The following CHAD variants were observed in gnomAD, a reference collection of about 807,000 sequenced individuals.
CHAD encodes the protein cartilage leucine-rich protein.
CHAD carries 18 observed loss-of-function variants against 24.0 expected under a neutral mutation model. That is an observed-to-expected ratio of 0.75 (90% CI 0.52 to 1.11). CHAD has a LOEUF of 1.11. CHAD is among the 50% of genes most tolerant of loss of function. The pLI, the probability that CHAD is intolerant of heterozygous loss-of-function variation, is 0.00. For missense variants in CHAD, 440 were observed against 467.2 expected, an observed-to-expected ratio of 0.94 and a Z score of 0.54; for synonymous variants, 195 against 211.6, an observed-to-expected ratio of 0.92 and a Z score of 0.68.
Position 50,468,241 on chromosome 17 carries a change from C to T in CHAD, c.573G>A (p.Leu191=). The T allele has an allele frequency of 6.2e-7, 1 of 1,612,264 alleles. No individual in the cohort carries two copies. The highest frequency in any genetic ancestry group is 8.5e-7 in the Non-Finnish European group (1 of 1,178,532). ...ATTTGGCGAGGTTCTCCACGTCGTC[C>T]AGGGCCCCGGGCTGCAGGGAGCTCA... ...NALSSLQPGA[L]DDVENLAKFH... Residue 191 remains leucine (L), a synonymous_variant, in exon 1 of 4, where the codon CTG becomes CTA. Coordinates refer to ENST00000508540, the MANE Select transcript of CHAD (RefSeq NM_001267.3).
rs749255823 is a variant in CHAD, at chr17:50,468,293, C to A, written c.521G>T (p.Arg174Leu). The stretch of plus-strand genomic sequence containing the variant: ...CGCGTTTTCCGACAGGTAGAGCCAG[C>A]GCAGGTCCTTGGCTCCCTGGAAGGC... ...AGAFQGAKDL[R>L]WLYLSENALS... Residue 174 changes from arginine (R) to leucine (L), a missense_variant, in exon 1 of 4, where the codon CGC becomes CTC. Physicochemically the swap from Arg to Leu is moderately radical, Grantham distance 102. Coordinates refer to ENST00000508540, the MANE Select transcript of CHAD (RefSeq NM_001267.3). 13 of 1,613,564 alleles carry A rather than the reference C, an allele frequency of 8.1e-6. No homozygotes were observed. Among genetic ancestry groups the A allele is most frequent in the Non-Finnish European group, 8.5e-6 (10 of 1,179,564 alleles).
intron 1 of CHAD, among the ~76,000 whole-genome samples, chr17:50,466,461 G>A (rs2032736572): frequency 6.6e-6 from 1 of 152,194 alleles, no homozygotes; most frequent in African/African-American, 2.4e-5. Flanking sequence ...TCACAGCAGT[G>A]GGTAAACAGT....
chr17:50,465,135 T>C, intron 3 of CHAD, 86 bp from the exon 4 acceptor site: 1 of 762,680 alleles, frequency 1.3e-6, no homozygotes, highest in Non-Finnish European at 2.1e-6. Flanking sequence ...GCAGGACCTT[T>C]TCCTCCCTTC....
In CHAD at chr17:50,467,942, AC is replaced by A; in HGVS notation, c.774+97del. ...TTGGAGATAGCCAGAGGGACAGGGA[AC>A]CTGGGGACGGGGGATGGTGCCAGCT... is the stretch of plus-strand genomic sequence containing the variant. On this transcript the variant is annotated intron_variant, in intron 1 of 3. Transcript: ENST00000508540. 3 of 1,301,776 alleles carry A rather than the reference AC, an allele frequency of 2.3e-6. No individual in the cohort carries two copies. The South Asian group carries it at 4.5e-5, about 19-fold the overall frequency. 80.6% of individuals were successfully genotyped at this position (1,301,776 alleles called of 1,614,324 possible).
At chr17:50,465,541 C>T in intron 2 of CHAD, 102 bp from the exon 3 acceptor site, 1 of 1,488,410 alleles carries the variant, frequency 6.7e-7, no homozygotes, top group Non-Finnish European at 9.2e-7. Flanking sequence ...ACAGGATAGT[C>T]TGAAGCTGTC....
chr17:50,464,769 T>TGTG lies in CHAD; in HGVS notation c.*284_*285insCAC, dbSNP rs781027982. 8.2e-5 allele frequency: 14 copies of TGTG among 170,524 alleles called. No homozygotes were observed. The highest frequency in any genetic ancestry group is 4.1e-4 in the Admixed American group (6 of 14,648). The allele number at this position is 170,524 out of a possible 1,614,324, so 10.6% of individuals were successfully genotyped here. Reference sequence around the variant, plus strand: ...CAACCTGTTGTGGTTCTGATTGACTTGGGGGGGGGGTCTCAGCAACAGCTT... The same window carrying TGTG: ...CAACCTGTTGTGGTTCTGATTGACTTGTGGGGGGGGGGGTCTCAGCAACAGCTT... On this transcript the variant is annotated 3_prime_UTR_variant, in exon 4 of 4. Coordinates refer to ENST00000508540, the MANE Select transcript of CHAD (RefSeq NM_001267.3).
At position 50,468,156 on chromosome 17, in the gene CHAD, C is replaced by A; in HGVS notation, c.658G>T (p.Val220Leu). 1 of 1,614,210 alleles carries A rather than the reference C, an allele frequency of 6.2e-7. No individual in the cohort carries two copies. Among genetic ancestry groups the A allele is most frequent in the Non-Finnish European group, 8.5e-7 (1 of 1,180,028 alleles). ...YPSAALSKLR[V>L]VEELKLSHNP... ...TGGGACAGCTTCAGCTCCTCCACCA[C>A]CCGTAGCTTGCTCAGGGCAGCTGAG... Residue 220 changes from valine to leucine, a missense_variant, in exon 1 of 4, where the codon GTG (valine) becomes TTG (leucine). Coordinates refer to ENST00000508540, the MANE Select transcript of CHAD (RefSeq NM_001267.3).
In CHAD at chr17:50,465,416, C is replaced by G. The variant is rs34405131; in HGVS notation, c.962G>C (p.Arg321Pro). 6.2e-7 allele frequency: 1 copy of G among 1,613,622 alleles called. No individual in the cohort carries two copies. The highest frequency in any genetic ancestry group is 8.5e-7 in the Non-Finnish European group (1 of 1,179,960). Residue 321 changes from arginine to proline, a missense_variant, in exon 3 of 4, where the codon CGC (arginine) becomes CCC (proline). Arg to Pro is a moderately radical substitution (Grantham distance 103, BLOSUM62 -2). Coordinates refer to ENST00000508540, the MANE Select transcript of CHAD (RefSeq NM_001267.3). ...AGGTGAGGCACAGGTGGCATCTGGGCGGGAGGCCTTGGCTTCCAGCCACCT... is the reference window on the plus strand; with the variant it reads ...AGGTGAGGCACAGGTGGCATCTGGGGGGGAGGCCTTGGCTTCCAGCCACCT... ...LRRWLEAKAS[R>P]PDATCASPAK...
Position 50,465,306 on chromosome 17 carries a change from G to T in CHAD, c.1072C>A (p.Arg358Ser). 1 of 1,614,100 alleles carries T rather than the reference G, an allele frequency of 6.2e-7. No individual in the cohort carries two copies. The highest frequency in any genetic ancestry group is 1.1e-5 in the South Asian group (1 of 91,058). Residue 358 changes from arginine to serine, a missense_variant, in exon 3 of 4, where the codon CGC becomes AGC. Transcript: ENST00000508540. ...ACCTGGCCCCCACCTGTTTAATGGCGGCCAGCTTTCTTGGACCTCTTGGTG... is the reference window on the plus strand; with the variant it reads ...ACCTGGCCCCCACCTGTTTAATGGCTGCCAGCTTTCTTGGACCTCTTGGTG... ...FPTKRSKKAG[R>S]H is the part of the protein sequence containing the mutation.
chr17:50,465,137 C>T (rs1466180495), intron 3 of CHAD, 88 bp from the exon 4 acceptor site: 7 of 778,580 alleles, frequency 9.0e-6, no homozygotes, highest in Non-Finnish European at 1.0e-5. Flanking sequence ...AGGACCTTTT[C>T]CTCCCTTCAA....
intron 1 of CHAD, among the ~76,000 whole-genome samples, chr17:50,467,144 C>T (rs1188296300): frequency 6.6e-6 from 1 of 152,272 alleles, no homozygotes; most frequent in East Asian, 1.9e-4. Context: ...AGAAGGGATT[C>T]TGCTCTGATC....
intron 1 of CHAD, 99 bp from the exon 2 acceptor site, chr17:50,465,969 G>T: frequency 7.4e-7 from 1 of 1,349,690 alleles, no homozygotes; most frequent in Non-Finnish European, 1.0e-6. Flanking sequence ...CTGAACCTGA[G>T]CCATAGCACT....
chr17:50,467,688 A>G (rs1393832902), intron 1 of CHAD, among the ~76,000 whole-genome samples: 1 of 152,204 alleles, frequency 6.6e-6, no homozygotes, highest in Admixed American at 6.5e-5. Flanking sequence ...GAGACGGGAA[A>G]AACAGCAGAG....
intron 2 of CHAD, 61 bp downstream of exon 2, chr17:50,465,645 AG>A: frequency 6.3e-7 from 1 of 1,584,210 alleles, no homozygotes; most frequent in Non-Finnish European, 8.7e-7. Context: ...GTCTTAGTGC[AG>A]GGCTAATGTG....
chr17:50,468,553 G>C lies in CHAD; in HGVS notation c.261C>G (p.Ile87Met), dbSNP rs373121361. Residue 87 changes from isoleucine (I) to methionine (M), a missense_variant, in exon 1 of 4, where the codon ATC (isoleucine) becomes ATG (methionine). Coordinates refer to ENST00000508540, the MANE Select transcript of CHAD (RefSeq NM_001267.3). ...LVSLHLQHCQ[I>M]REVAAGAFRG... Reference sequence around the variant, plus strand: ...GGAAGGCACCGGCGGCCACCTCGCGGATCTGGCAGTGCTGCAGGTGCAATG... The same window carrying C: ...GGAAGGCACCGGCGGCCACCTCGCGCATCTGGCAGTGCTGCAGGTGCAATG... 5 of 1,614,144 alleles carry C rather than the reference G, an allele frequency of 3.1e-6. No individual in the cohort carries two copies. The highest frequency in any genetic ancestry group is 1.3e-5 in the African/African-American group (1 of 74,960).
chr17:50,468,294 G>GC lies in CHAD; in HGVS notation c.519dup (p.Arg174AlafsTer127). ...GCGTTTTCCGACAGGTAGAGCCAGC[G>GC]CAGGTCCTTGGCTCCCTGGAAGGCG... On this transcript the variant is annotated frameshift_variant, in exon 1 of 4. Transcript: ENST00000508540. LOFTEE classifies it high-confidence loss of function. 1 of 1,613,602 alleles carries GC rather than the reference G, an allele frequency of 6.2e-7. No individual in the cohort carries two copies. Among genetic ancestry groups the GC allele is most frequent in the Non-Finnish European group, 8.5e-7 (1 of 1,179,576 alleles).
intron 1 of CHAD, among the ~76,000 whole-genome samples, chr17:50,466,834 C>T (rs985196423): frequency 6.6e-6 from 1 of 152,222 alleles, no homozygotes; most frequent in Non-Finnish European, 1.5e-5. Context: ...GCCCCTAATT[C>T]GCTGCTCTGC....
chr17:50,468,111 G>A lies in CHAD; in HGVS notation c.703C>T (p.Pro235Ser). ...CCAAAGGACTGGAAGGCATTGTCCG[G>A]GATGCTTTTCAGGGGGTTGTGGGAC... is the stretch of plus-strand genomic sequence containing the variant. ...KLSHNPLKSI[P>S]DNAFQSFGRY... The change falls in exon 1 of 4, where the codon CCG (proline) becomes TCG (serine). Residue 235 changes from proline (P) to serine (S), a missense_variant. Pro to Ser is a moderately conservative substitution (Grantham distance 74). Coordinates refer to ENST00000508540, the MANE Select transcript of CHAD (RefSeq NM_001267.3). The A allele has an allele frequency of 3.1e-6, 5 of 1,614,058 alleles. No individual in the cohort carries two copies. The highest frequency in any genetic ancestry group is 4.2e-6 in the Non-Finnish European group (5 of 1,179,954).
At chr17:50,466,248 G>C (rs930783195) in intron 1 of CHAD, among the ~76,000 whole-genome samples, 2 of 143,164 alleles carry the variant, frequency 1.4e-5, no homozygotes, top group Non-Finnish European at 3.2e-5. Context: ...CACCATGCCC[G>C]GCTAATTTTT....
Sources: allele counts gnomAD v4.1 joint callset (sites outside exome capture counted in the v4.1 genomes callset), GRCh38; gene constraint gnomAD v4.1.1; transcripts MANE v1.5; gene names NCBI Gene and HGNC (gene_info 2026-07-23, HGNC 2026-07-21).